Variants in JAG2 observed in about 807,000 individuals in gnomAD.
JAG2 encodes the protein jagged canonical Notch ligand 2, also known as protein jagged-2.
In JAG2, 46 loss-of-function variants were observed where a neutral mutation model predicts 141.7. That is an observed-to-expected ratio of 0.32 (90% CI 0.26 to 0.42). The LOEUF is 0.42. Ranked by LOEUF, JAG2 falls within the 10% of genes least tolerant of loss-of-function variation. The pLI, the probability that JAG2 is intolerant of heterozygous loss-of-function variation, is 1.00. For missense variants in JAG2, 1,500 were observed against 1,817.5 expected, an observed-to-expected ratio of 0.83 and a Z score of 3.18; for synonymous variants, 862 against 763.5, an observed-to-expected ratio of 1.13 and a Z score of -2.13.
Position 105,142,710 on chromosome 14 carries a change from G to A in JAG2, c.3702C>T (p.Tyr1234=), listed in dbSNP as rs776629011. Residue 1234 remains tyrosine (Y), a synonymous_variant, in exon 26 of 26, where the codon TAC becomes TAT. Coordinates refer to ENST00000331782, the MANE Select transcript of JAG2 (RefSeq NM_002226.5). ...RAVRSINEAR[Y]AGKE The stretch of plus-strand genomic sequence containing the variant: ...GCAGCCGCCCCTACTCCTTGCCGGC[G>A]TAGCGGGCCTCATTGATGCTCCTGA... 3.8e-5 allele frequency: 61 copies of A among 1,601,894 alleles called. No homozygotes were observed. The Admixed American group carries it at 7.1e-4, about 19-fold the overall frequency.
At chr14:105,155,078 A>G (rs965310987) in intron 5 of JAG2, among the ~76,000 whole-genome samples, 2 of 144,766 alleles carry the variant, frequency 1.4e-5, no homozygotes, top group East Asian at 4.2e-4. Flanking sequence ...AACAGCTACC[A>G]CAGCCCTTCC....
chr14:105,163,228 C>G (rs1456621713), intron 2 of JAG2, among the ~76,000 whole-genome samples: 1 of 152,240 alleles, frequency 6.6e-6, no homozygotes, highest in African/African-American at 2.4e-5. Flanking sequence ...CAGGCCTCTG[C>G]CACCATTGTC....
chr14:105,156,033 C>A (rs587606266), intron 3 of JAG2, 44 bp from the exon 4 acceptor site: 3 of 1,591,914 alleles, frequency 1.9e-6, no homozygotes, highest in Non-Finnish European at 2.6e-6. Context: ...GAAACCAGCC[C>A]GGCCAGGGGT....
In JAG2 at chr14:105,154,924, T is replaced by TCCAC. The variant is rs1888534958; in HGVS notation, c.788+634_788+637dup. 2.0e-5 allele frequency among the ~76,000 whole-genome samples: 3 copies of TCCAC among 151,032 alleles called. No homozygotes were observed. The South Asian group carries it at 6.3e-4, about 32-fold the overall frequency. On this transcript the variant is annotated intron_variant, in intron 5 of 25. Transcript: ENST00000331782. This position sits in a 1 kb window ranked among gnomAD's most constrained non-coding sequence, Gnocchi z 4.4. ...CAAATCCATCCACAAACCCCTGGGC[T>TCCAC]CCACCCCAGGATGTCTGCAGGACCC...
chr14:105,149,241 G>A lies in JAG2; in HGVS notation c.1682C>T (p.Ala561Val), dbSNP rs755009089. 5.6e-6 allele frequency: 9 copies of A among 1,612,474 alleles called. No individual in the cohort carries two copies. The African/African-American group carries it at 9.3e-5, about 17-fold the overall frequency. Residue 561 changes from alanine to valine, a missense_variant, in exon 13 of 26, where the codon GCC (alanine) becomes GTC (valine). Around this residue, in one of 3 missense-constraint regions of JAG2, gnomAD observed 875 missense variants for 1,202.2 expected, o/e 0.73. Transcript: ENST00000331782. ...CTTGCCACCAAAGTCATCAGGGCAG[G>A]CGCAGTAATAGTCACCCTCCAGGTT... ...CYNLEGDYYC[A>V]CPDDFGGKNC... is the part of the protein sequence containing the mutation.
At chr14:105,152,643 A>G (rs1312402146) in intron 5 of JAG2, among the ~76,000 whole-genome samples, 1 of 151,546 alleles carries the variant, frequency 6.6e-6, no homozygotes, top group African/African-American at 2.4e-5. Context: ...AGGTGCTGCC[A>G]GGGCCGGGAG....
intron 2 of JAG2, among the ~76,000 whole-genome samples, chr14:105,162,804 C>T (rs369940285): frequency 6.8e-6 from 1 of 147,064 alleles, no homozygotes; most frequent in Non-Finnish European, 1.5e-5. Context: ...AAGCTCAGGG[C>T]ACTCCAGGTC....
intron 25 of JAG2, 127 bp from the exon 26 acceptor site, chr14:105,143,297 C>T (rs1359079755): frequency 9.8e-6 from 13 of 1,326,142 alleles, no homozygotes; most frequent in East Asian, 2.5e-5. Flanking sequence ...GTTGCTGGCT[C>T]GTGGGGAGGG....
intron 5 of JAG2, 95 bp from the exon 6 acceptor site, chr14:105,152,386 G>T: frequency 6.9e-7 from 1 of 1,453,780 alleles, no homozygotes; most frequent in Non-Finnish European, 9.4e-7. Context: ...CACACCCAGG[G>T]CCGGCGGGCG....
intron 3 of JAG2, among the ~76,000 whole-genome samples, 172 bp from the exon 4 acceptor site, chr14:105,156,161 C>T (rs1215973451): frequency 3.3e-5 from 5 of 151,852 alleles, no homozygotes; most frequent in South Asian, 4.1e-4. Flanking sequence ...AAGCTCAGGG[C>T]CCCGAGAGGC....
Position 105,148,851 on chromosome 14 carries a change from G to A in JAG2, c.1914C>T (p.Asp638=), listed in dbSNP as rs755343626. The A allele has an allele frequency of 5.3e-5, 85 of 1,591,478 alleles. No individual in the cohort carries two copies. Among genetic ancestry groups the A allele is most frequent in the Middle Eastern group, 1.7e-4 (1 of 6,028 alleles). ...TGCGGCAGGGCTGGCCCAGGCAGTCGTCAATGTCTGCAGAGGCGAGCGGGG... is the reference window on the plus strand; with the variant it reads ...TGCGGCAGGGCTGGCCCAGGCAGTCATCAATGTCTGCAGAGGCGAGCGGGG... The part of the protein sequence containing the change: ...FTGTYCHENI[D]DCLGQPCRNG... The change falls in exon 15 of 26, where the codon GAC becomes GAT. Residue 638 remains aspartate, a synonymous_variant. Coordinates refer to ENST00000331782, the MANE Select transcript of JAG2 (RefSeq NM_002226.5).
At chr14:105,150,411 G>A (rs1444025393) in intron 12 of JAG2, among the ~76,000 whole-genome samples, 193 bp downstream of exon 12, 1 of 152,160 alleles carries the variant, frequency 6.6e-6, no homozygotes, top group Non-Finnish European at 1.5e-5. Context: ...ATGGCCACAG[G>A]GGGCCAAGCC....
At chr14:105,149,549 T>A (rs1595177007) in intron 12 of JAG2, among the ~76,000 whole-genome samples, 1 of 151,892 alleles carries the variant, frequency 6.6e-6, no homozygotes, top group African/African-American at 2.4e-5. Flanking sequence ...GCAGCCCAGC[T>A]TCCTCACTGT....
intron 3 of JAG2, among the ~76,000 whole-genome samples, chr14:105,156,739 T>C (rs1172808008): frequency 6.6e-6 from 1 of 152,166 alleles, no homozygotes; most frequent in African/African-American, 2.4e-5. Flanking sequence ...GACACTGTGC[T>C]GGCCCACTCC....
chr14:105,160,923 C>T (rs983326904), intron 2 of JAG2, among the ~76,000 whole-genome samples: 8 of 151,460 alleles, frequency 5.3e-5, no homozygotes, highest in African/African-American at 1.7e-4. Context: ...ATTGAGGCTG[C>T]AGGGCATGAG....
In JAG2 at chr14:105,148,822, C is replaced by T. The variant is rs1274334288; in HGVS notation, c.1943G>A (p.Gly648Glu). The T allele has an allele frequency of 1.3e-6, 2 of 1,598,760 alleles. No individual in the cohort carries two copies. The highest frequency in any genetic ancestry group is 1.1e-5 in the South Asian group (1 of 88,732). Residue 648 changes from glycine to glutamate, a missense_variant, in exon 15 of 26, where the codon GGG becomes GAG. Physicochemically the swap from Gly to Glu is moderately conservative, Grantham distance 98. Around this residue, in one of 3 missense-constraint regions of JAG2, gnomAD observed 875 missense variants for 1,202.2 expected, o/e 0.73. Transcript: ENST00000331782. ...GTCCACCTCATCGATGCATGTGCCCCCATTGCGGCAGGGCTGGCCCAGGCA... is the reference window on the plus strand; with the variant it reads ...GTCCACCTCATCGATGCATGTGCCCTCATTGCGGCAGGGCTGGCCCAGGCA... Reference protein sequence around the residue: ...DDCLGQPCRNGGTCIDEVDAF... With the variant: ...DDCLGQPCRNEGTCIDEVDAF...
At chr14:105,159,563 AC>A (rs1566768290) in intron 2 of JAG2, among the ~76,000 whole-genome samples, 2 of 129,774 alleles carry the variant, frequency 1.5e-5, no homozygotes, top group Non-Finnish European at 3.3e-5. Context: ...CTCCGTCCAC[AC>A]CCCCCGCCGA....
chr14:105,168,160 G>C, intron 1 of JAG2, 53 bp from the exon 2 acceptor site: 4 of 1,411,426 alleles, frequency 2.8e-6, no homozygotes, highest in Non-Finnish European at 3.7e-6. Flanking sequence ...GGGTCGGCGG[G>C]CCGGGCGCCA....
In JAG2 at chr14:105,167,650, G is replaced by C. The variant is rs1888960227; in HGVS notation, c.417+107C>G. The C allele has an allele frequency of 2.7e-5, 32 of 1,187,486 alleles. No individual in the cohort carries two copies. Among genetic ancestry groups the C allele is most frequent in the Middle Eastern group, 3.3e-4 (1 of 3,006 alleles). The allele number at this position is 1,187,486 out of a possible 1,614,324, so 73.6% of individuals were successfully genotyped here. On this transcript the variant is annotated intron_variant, in intron 2 of 25. Coordinates refer to ENST00000331782, the MANE Select transcript of JAG2 (RefSeq NM_002226.5). The surrounding 1 kb of genome is among the most constrained non-coding windows in gnomAD (Gnocchi z 4.8). ...GGCCCCGCCCCGCCTGGGCGCGCGC[G>C]GCTCGCACGCAGACCCGGCCGCAGG...
Sources: gnomAD v4.1 joint callset for allele counts (sites outside exome capture counted in the v4.1 genomes callset) on GRCh38, gnomAD v4.1.1 for gene constraint, gnomAD v4.1.1 regional missense constraint, Gnocchi (gnomAD v3.1) non-coding constraint, MANE v1.5 for transcripts, NCBI Gene and HGNC (gene_info 2026-07-23, HGNC 2026-07-21) for gene names.